The following ATE1 variants were observed in gnomAD, a reference collection of about 807,000 sequenced individuals.
The protein encoded by ATE1 is arginyl-tRNA--protein transferase 1.
In ATE1, 36 loss-of-function variants were observed where a neutral mutation model predicts 70.5. The ratio of observed to expected loss-of-function variants is 0.51; its 90% CI spans 0.39 to 0.67. The LOEUF (loss-of-function observed/expected upper bound fraction) is 0.67. Among genes scored for constraint, ATE1 ranks in the 30% least tolerant of loss-of-function variants. ATE1 has a pLI of 0.00. For synonymous variants in ATE1, 232 were observed against 219.3 expected (o/e 1.06, Z -0.51); for missense variants, 593 against 629.5 (o/e 0.94, Z 0.62).
intron 1 of ATE1, among the ~76,000 whole-genome samples, chr10:121,926,218 T>A (rs1952083645): frequency 6.6e-6 from 1 of 151,834 alleles, no homozygotes; most frequent in Non-Finnish European, 1.5e-5. Flanking sequence ...TCAAAATAAA[T>A]AAATAAATAA....
chr10:121,747,181 T>C (rs530511878), intron 11 of ATE1, among the ~76,000 whole-genome samples: 147 of 152,272 alleles, frequency 9.7e-4, no homozygotes, highest in African/African-American at 3.2e-3. Flanking sequence ...CTGAGTGCCA[T>C]TGTCGTTTTC....
chr10:121,885,907 ATAAATAAATAT>A lies in ATE1; in HGVS notation c.942+13948_942+13958del, dbSNP rs915836884. Among the ~76,000 whole-genome samples the A allele has an allele frequency of 5.1e-4, 78 of 152,188 alleles. 1 individual carries two copies. The highest frequency in any genetic ancestry group is 1.8e-3 in the African/African-American group (76 of 41,558). The stretch of plus-strand genomic sequence containing the variant: ...AGAGGGAAAGACTGTCTCTAAATAA[ATAAATAAATAT>A]TAAATAAATATTAAAAAGTTTCAAA... On this transcript the variant is annotated intron_variant, in intron 7 of 11. Transcript: ENST00000224652.
chr10:121,899,367 A>T (rs1950895231), intron 7 of ATE1, among the ~76,000 whole-genome samples: 1 of 152,214 alleles, frequency 6.6e-6, no homozygotes, highest in African/African-American at 2.4e-5. Context: ...TTATTAGCAT[A>T]TGAGTTCTTC....
intron 11 of ATE1, among the ~76,000 whole-genome samples, chr10:121,779,070 C>G (rs745775706): frequency 6.6e-6 from 1 of 152,198 alleles, no homozygotes; most frequent in Admixed American, 6.5e-5. Context: ...CATTTCCTAT[C>G]CTTCCAGCTT....
At chr10:121,870,145 A>G (rs1564912687) in intron 7 of ATE1, 107 bp from the exon 8 acceptor site, 1 of 1,031,134 alleles carries the variant, frequency 9.7e-7, no homozygotes, top group Admixed American at 2.0e-5. Context: ...AAATCCACTT[A>G]AAGTGAACCC....
chr10:121,810,586 TA>T (rs1034601252), intron 10 of ATE1, among the ~76,000 whole-genome samples: 3 of 152,134 alleles, frequency 2.0e-5, no homozygotes, highest in African/African-American at 7.2e-5. Context: ...TATGTATTTT[TA>T]AGAGTAAAGT....
At chr10:121,911,805 G>C (rs964579104) in intron 4 of ATE1, among the ~76,000 whole-genome samples, 1 of 152,022 alleles carries the variant, frequency 6.6e-6, no homozygotes, top group Non-Finnish European at 1.5e-5. Context: ...GCAGTGCAGG[G>C]GCGCGACCTC....
chr10:121,851,706 T>C (rs1289859094), intron 8 of ATE1, among the ~76,000 whole-genome samples: 1 of 152,248 alleles, frequency 6.6e-6, no homozygotes. Context: ...ACTAGCAAAA[T>C]TTAGTAATTT....
rs572358657 is a variant in ATE1, at chr10:121,819,727, C to T, written c.1257+16991G>A. On this transcript the variant is annotated intron_variant, in intron 10 of 11. Transcript: ENST00000224652. The stretch of plus-strand genomic sequence containing the variant: ...GACTACACACATTGGGTACAGTGTA[C>T]GCTGCTTGGGTGATGGGTACACCAA... Among the ~76,000 whole-genome samples the T allele has an allele frequency of 2.7e-5, 4 of 146,026 alleles. No homozygotes were observed. The South Asian group carries it at 6.6e-4, about 24-fold the overall frequency.
chr10:121,870,659 CTCTT>C (rs1266362798), intron 7 of ATE1, among the ~76,000 whole-genome samples: 4 of 152,116 alleles, frequency 2.6e-5, no homozygotes, highest in Admixed American at 6.5e-5. Context: ...TCTCACCTTT[CTCTT>C]TCTTTTTATG....
chr10:121,774,619 A>G (rs1452424744), intron 11 of ATE1, among the ~76,000 whole-genome samples: 1 of 152,192 alleles, frequency 6.6e-6, no homozygotes, highest in Non-Finnish European at 1.5e-5. Flanking sequence ...CGTTCATTAC[A>G]TTCTTTCTTA....
At chr10:121,780,878 T>C (rs1253500518) in intron 11 of ATE1, among the ~76,000 whole-genome samples, 1 of 152,226 alleles carries the variant, frequency 6.6e-6, no homozygotes, top group Admixed American at 6.5e-5. Flanking sequence ...ATGCTACTTG[T>C]CACACTTATC....
At chr10:121,869,951 C>G in intron 8 of ATE1, 55 bp downstream of exon 8, 3 of 1,484,498 alleles carry the variant, frequency 2.0e-6, no homozygotes, top group Non-Finnish European at 9.4e-7. Flanking sequence ...TGAAAGATAT[C>G]AACAATGGTG....
intron 11 of ATE1, among the ~76,000 whole-genome samples, chr10:121,764,245 T>G (rs10788204): frequency 0.83 from 125,298 of 151,510 alleles, 52,174 homozygotes; most frequent in Non-Finnish European, 0.88. Context: ...ATGTAAGCCA[T>G]TTAACAACAG....
At chr10:121,777,565 T>C (rs1157315209) in intron 11 of ATE1, among the ~76,000 whole-genome samples, 2 of 152,144 alleles carry the variant, frequency 1.3e-5, no homozygotes, top group Non-Finnish European at 1.5e-5. Flanking sequence ...GCAGACCAAA[T>C]AGTGATGCAG....
chr10:121,788,621 T>G (rs981729910), intron 11 of ATE1, among the ~76,000 whole-genome samples: 1 of 152,188 alleles, frequency 6.6e-6, no homozygotes, highest in Non-Finnish European at 1.5e-5. Flanking sequence ...TTATCTTTCA[T>G]TTGGTTTTGC....
At chr10:121,751,388 A>T (rs1292705466) in intron 11 of ATE1, among the ~76,000 whole-genome samples, 1 of 152,234 alleles carries the variant, frequency 6.6e-6, no homozygotes, top group Non-Finnish European at 1.5e-5. Context: ...AAGAACTGCC[A>T]GACTGTTTTC....
chr10:121,920,864 G>A (rs1951853710), intron 3 of ATE1, among the ~76,000 whole-genome samples: 1 of 151,512 alleles, frequency 6.6e-6, no homozygotes, highest in South Asian at 2.1e-4. Flanking sequence ...CGTGGTGGCA[G>A]GCACCTGTAA....
At chr10:121,794,661 T>TA (rs374044559) in intron 10 of ATE1, among the ~76,000 whole-genome samples, 44,189 of 65,708 alleles carry the variant, frequency 0.67, 14,604 homozygotes, top group Non-Finnish European at 0.7. Context: ...GAATGTCTGG[T>TA]AAAAAAAAAA....
Sources: gnomAD v4.1 joint callset for allele counts (sites outside exome capture counted in the v4.1 genomes callset) on GRCh38, gnomAD v4.1.1 for gene constraint, MANE v1.5 for transcripts, NCBI Gene and HGNC (gene_info 2026-07-23, HGNC 2026-07-21) for gene names.